Variants in SIDT1 observed in about 807,000 individuals in gnomAD.
The protein encoded by SIDT1 is SID1 transmembrane family, member 1.
SIDT1 carries 101 observed loss-of-function variants against 107.5 expected under a neutral mutation model. The observed-to-expected ratio is 0.94, with a 90% CI of 0.80 to 1.11. The LOEUF is 1.11. Ranked by LOEUF, SIDT1 falls within the 50% of genes least tolerant of loss-of-function variation. SIDT1 has a pLI of 0.00. For synonymous variants in SIDT1, 395 were observed against 398.2 expected, an observed-to-expected ratio of 0.99 and a Z score of 0.10; for missense variants, 1,076 against 1,058.2, an observed-to-expected ratio of 1.02 and a Z score of -0.23.
At position 113,565,902 on chromosome 3, in the gene SIDT1, C is replaced by T. The variant is rs188265433; in HGVS notation, c.223-518C>T. Among the ~76,000 whole-genome samples the T allele has an allele frequency of 2.4e-3, 362 of 152,274 alleles. 1 individual carries two copies. The highest frequency in any genetic ancestry group is 8.4e-3 in the African/African-American group (350 of 41,554). ...GAAGTTTTTCAGCAATTGAAGTTCTCATGGGATTTGTTTTTGAGGGAGGGT... is the reference window on the plus strand; with the variant it reads ...GAAGTTTTTCAGCAATTGAAGTTCTTATGGGATTTGTTTTTGAGGGAGGGT... On this transcript the variant is annotated intron_variant, in intron 1 of 24. Coordinates refer to ENST00000264852, the MANE Select transcript of SIDT1 (RefSeq NM_017699.3).
chr3:113,620,316 T>C lies in SIDT1; in HGVS notation c.2090+590T>C, dbSNP rs1946383203. Among the ~76,000 whole-genome samples the C allele has an allele frequency of 1.3e-5, 2 of 152,030 alleles. 1 individual carries two copies. The highest frequency in any genetic ancestry group is 1.3e-4 in the Admixed American group (2 of 15,252). ...TTCCCCATGGCCTTTGTTCCTCAAA[T>C]GGCTCAAAATAGAACAGTACAACAG... On this transcript the variant is annotated intron_variant, in intron 21 of 24. Coordinates refer to ENST00000264852, the MANE Select transcript of SIDT1 (RefSeq NM_017699.3).
At chr3:113,602,760 C>T in intron 11 of SIDT1, 2 of 356,028 alleles carry the variant, frequency 5.6e-6, no homozygotes. Context: ...AGAGCAGATG[C>T]CCTTAGATTC....
At chr3:113,537,780 CTCT>C (rs1343993378) in intron 1 of SIDT1, among the ~76,000 whole-genome samples, 3 of 152,136 alleles carry the variant, frequency 2.0e-5, no homozygotes, top group Admixed American at 6.5e-5. Context: ...TTCACGTGTC[CTCT>C]TCTTCTTTTT....
At chr3:113,595,232 A>T (rs1288239138) in intron 10 of SIDT1, among the ~76,000 whole-genome samples, 1 of 152,070 alleles carries the variant, frequency 6.6e-6, no homozygotes, top group Non-Finnish European at 1.5e-5. Flanking sequence ...AGCATCCTTC[A>T]CTTCCGTGCA....
intron 9 of SIDT1, among the ~76,000 whole-genome samples, chr3:113,591,739 G>GA (rs1944170894): frequency 6.6e-6 from 1 of 152,058 alleles, no homozygotes; most frequent in Admixed American, 6.5e-5. Flanking sequence ...AAACAGTTTG[G>GA]AAAAAAAGTT....
chr3:113,569,138 CAA>C (rs780715523), intron 3 of SIDT1, among the ~76,000 whole-genome samples: 8 of 55,482 alleles, frequency 1.4e-4, no homozygotes, highest in Middle Eastern at 0.01. Flanking sequence ...GACTCCCTCT[CAA>C]AAAAAAAAAA....
intron 23 of SIDT1, 187 bp from the exon 24 acceptor site, chr3:113,625,914 AT>A (rs1577002600): frequency 3.6e-6 from 2 of 557,788 alleles, no homozygotes; most frequent in East Asian, 3.0e-5. Context: ...TCGCTTCTCT[AT>A]TTTTGCTTTG....
chr3:113,611,238 C>T (rs1239115885), intron 18 of SIDT1, 94 bp downstream of exon 18: 1 of 1,415,368 alleles, frequency 7.1e-7, no homozygotes, highest in African/African-American at 1.4e-5. Flanking sequence ...TTGGATTAAC[C>T]AAAATCCTCA....
chr3:113,626,238 G>A (rs760612456), intron 24 of SIDT1, 23 bp downstream of exon 24: 2 of 1,500,570 alleles, frequency 1.3e-6, no homozygotes, highest in Non-Finnish European at 1.9e-6. Flanking sequence ...CTATCTTTTT[G>A]TGACTTTCTT....
chr3:113,618,235 G>A (rs1946237103), intron 20 of SIDT1, among the ~76,000 whole-genome samples: 1 of 152,068 alleles, frequency 6.6e-6, no homozygotes, highest in African/African-American at 2.4e-5. Flanking sequence ...TTTCCTCCAT[G>A]TCTTTTCATG....
At chr3:113,616,876 C>CG (rs1236447018) in intron 20 of SIDT1, among the ~76,000 whole-genome samples, 1 of 151,942 alleles carries the variant, frequency 6.6e-6, no homozygotes, top group Non-Finnish European at 1.5e-5. Context: ...TTAGTAGAGA[C>CG]GGGGCTTCTC....
chr3:113,537,191 C>T (rs6807610), intron 1 of SIDT1, among the ~76,000 whole-genome samples: 20,218 of 152,178 alleles, frequency 0.13, 1,855 homozygotes, highest in African/African-American at 0.26. Context: ...TTTGAAATAT[C>T]TCCCTGGAAG....
At chr3:113,627,549 T>A in intron 24 of SIDT1, 97 bp from the exon 25 acceptor site, 17 of 1,156,316 alleles carry the variant, frequency 1.5e-5, no homozygotes, top group Non-Finnish European at 2.2e-5. Flanking sequence ...GAGAGGGAAC[T>A]AACAGTTTCC....
chr3:113,596,782 A>G (rs1405564183), intron 10 of SIDT1, among the ~76,000 whole-genome samples: 1 of 152,172 alleles, frequency 6.6e-6, no homozygotes, highest in African/African-American at 2.4e-5. Context: ...GGCCTCTGGG[A>G]CCCCTTGAGT....
chr3:113,537,115 A>G (rs1938261758), intron 1 of SIDT1, among the ~76,000 whole-genome samples: 1 of 152,172 alleles, frequency 6.6e-6, no homozygotes, highest in African/African-American at 2.4e-5. Context: ...AAATCTAACC[A>G]CTGGGCAACA....
At chr3:113,551,594 T>C (rs1407352299) in intron 1 of SIDT1, among the ~76,000 whole-genome samples, 1 of 152,210 alleles carries the variant, frequency 6.6e-6, no homozygotes, top group Admixed American at 6.5e-5. Flanking sequence ...AATTTAAGAC[T>C]ATGTCTGACT....
Position 113,611,125 on chromosome 3 carries a change from TG to T in SIDT1, c.1840del (p.Val614SerfsTer28), listed in dbSNP as rs1379185632. ...SAYASFAVVI[M>X]VTVLGVVFGK... is the part of the protein sequence containing the mutation. ...TATGCCTCCTTTGCTGTGGTCATCATGGTCACCGTCCTTGGAGTGGTGCGTC... is the reference window on the plus strand; with the variant it reads ...TATGCCTCCTTTGCTGTGGTCATCATGTCACCGTCCTTGGAGTGGTGCGTC... On this transcript the variant is annotated frameshift_variant, in exon 18 of 25. Coordinates refer to ENST00000264852, the MANE Select transcript of SIDT1 (RefSeq NM_017699.3). LOFTEE classifies it high-confidence loss of function. 1.2e-6 allele frequency: 2 copies of T among 1,613,948 alleles called. No homozygotes were observed. Among genetic ancestry groups the T allele is most frequent in the Non-Finnish European group, 1.7e-6 (2 of 1,179,976 alleles).
intron 4 of SIDT1, among the ~76,000 whole-genome samples, chr3:113,577,406 C>T (rs955059332): frequency 1.3e-5 from 2 of 152,128 alleles, no homozygotes; most frequent in Non-Finnish European, 2.9e-5. Flanking sequence ...ATTAATTGAC[C>T]TGGAAATACA....
chr3:113,594,868 C>T (rs1341637630), intron 10 of SIDT1: 1 of 154,344 alleles, frequency 6.5e-6, no homozygotes, highest in East Asian at 1.9e-4. Flanking sequence ...TTGATGAGTC[C>T]AGTGGCTCTG....
Sources: allele counts gnomAD v4.1 joint callset (sites outside exome capture counted in the v4.1 genomes callset), GRCh38; gene constraint gnomAD v4.1.1; transcripts MANE v1.5; gene names NCBI Gene and HGNC (gene_info 2026-07-23, HGNC 2026-07-21).